DAP3: variants seen among roughly 807,000 people sequenced by gnomAD.
DAP3 encodes the protein small ribosomal subunit protein mS29.
A neutral mutation model predicts 51.9 loss-of-function variants in DAP3; 28 were observed. The observed-to-expected ratio is 0.54, with a 90% CI of 0.40 to 0.74. The LOEUF is 0.74. Among genes scored for constraint, DAP3 ranks in the 30% least tolerant of loss-of-function variants. The pLI is 0.00. For synonymous variants in DAP3, 170 were observed against 170.3 expected (o/e 1.00, Z 0.01); for missense variants, 458 against 483.5 (o/e 0.95, Z 0.49).
chr1:155,728,260 G>A (rs1431225594), intron 7 of DAP3, among the ~76,000 whole-genome samples: 1 of 152,064 alleles, frequency 6.6e-6, no homozygotes, highest in Non-Finnish European at 1.5e-5. Flanking sequence ...AGCAGAAATG[G>A]ATTAGAAAGC....
At chr1:155,726,245 C>T (rs1571542742) in intron 6 of DAP3, 1 of 313,456 alleles carries the variant, frequency 3.2e-6, no homozygotes. Context: ...TCCCAAGTAG[C>T]TGGGATTACA....
At chr1:155,734,212 T>C (rs1372946607) in intron 11 of DAP3, among the ~76,000 whole-genome samples, 1 of 152,090 alleles carries the variant, frequency 6.6e-6, no homozygotes, top group Non-Finnish European at 1.5e-5. Context: ...AATGTCCCCA[T>C]CATTATTTTT....
At chr1:155,706,072 G>A (rs141021132) in intron 1 of DAP3, among the ~76,000 whole-genome samples, 1 of 152,106 alleles carries the variant, frequency 6.6e-6, no homozygotes, top group East Asian at 1.9e-4. Context: ...ACAGTGGCAT[G>A]ATCATAGCTC....
intron 3 of DAP3, among the ~76,000 whole-genome samples, chr1:155,720,474 C>T (rs1188342398): frequency 1.3e-5 from 2 of 150,946 alleles, no homozygotes; most frequent in Non-Finnish European, 2.9e-5. Flanking sequence ...CATGGAGAAA[C>T]CCTGTCTCTA....
intron 1 of DAP3, among the ~76,000 whole-genome samples, chr1:155,700,707 C>A (rs1269230048): frequency 6.9e-6 from 1 of 145,388 alleles, no homozygotes; most frequent in Non-Finnish European, 1.5e-5. Flanking sequence ...GGGGTCAGCC[C>A]CCCAACCCGG....
At chr1:155,700,584 G>A (rs1203681593) in intron 1 of DAP3, among the ~76,000 whole-genome samples, 4 of 138,944 alleles carry the variant, frequency 2.9e-5, no homozygotes, top group Admixed American at 1.4e-4. Context: ...TCAGCCCCCC[G>A]CCCGGCCAGC....
chr1:155,700,678 C>T (rs71517796), intron 1 of DAP3, among the ~76,000 whole-genome samples: 7 of 132,934 alleles, frequency 5.3e-5, no homozygotes, highest in African/African-American at 8.5e-5. Context: ...CCAGCCACCC[C>T]GTCCGGGAGG....
At chr1:155,721,680 G>A (rs751549728) in intron 4 of DAP3, 62 bp downstream of exon 4, 1 of 1,517,288 alleles carries the variant, frequency 6.6e-7, no homozygotes, top group South Asian at 1.1e-5. Context: ...CTAGCAAAGG[G>A]GTGGGGCTAA....
In DAP3 at chr1:155,738,859, C is replaced by T. The variant is rs1660045465; in HGVS notation, c.*617C>T. 6.6e-6 allele frequency: 1 copy of T among 152,046 alleles called. No homozygotes were observed. Among genetic ancestry groups the T allele is most frequent in the Non-Finnish European group, 1.5e-5 (1 of 68,034 alleles). The allele number at this position is 152,046 out of a possible 1,614,324, so 9.4% of individuals were successfully genotyped here. A position where few individuals can be genotyped will look rare whatever the true frequency, so the allele number is the denominator to read the frequency against. ...CGGTGGCATGCGCCTGTAATCCAAGCTACTTGGGAGGCTGAGGCAGGAGAA... is the reference window on the plus strand; with the variant it reads ...CGGTGGCATGCGCCTGTAATCCAAGTTACTTGGGAGGCTGAGGCAGGAGAA... On this transcript the variant is annotated 3_prime_UTR_variant, in exon 13 of 13. Coordinates refer to ENST00000368336, the MANE Select transcript of DAP3 (RefSeq NM_004632.4).
chr1:155,729,008 T>C (rs1474610286), intron 7 of DAP3, 34 bp from the exon 8 acceptor site: 2 of 1,608,856 alleles, frequency 1.2e-6, no homozygotes, highest in Non-Finnish European at 1.7e-6. Context: ...AAGTAGCCTT[T>C]TTTTTGGTTT....
chr1:155,725,237 G>GT lies in DAP3; in HGVS notation c.271-144dup, dbSNP rs981891785. The stretch of plus-strand genomic sequence containing the variant: ...TTATATGGATAGATTTTCAAACTCA[G>GT]TACCAACCCAGCTTCTCCTAACTGA... On this transcript the variant is annotated intron_variant, in intron 4 of 12. Coordinates refer to ENST00000368336, the MANE Select transcript of DAP3 (RefSeq NM_004632.4). 6.2e-6 allele frequency: 4 copies of GT among 648,086 alleles called. No homozygotes were observed. The African/African-American group carries it at 7.3e-5, about 12-fold the overall frequency. 40.1% of individuals were successfully genotyped at this position (648,086 alleles called of 1,614,324 possible). A position where few individuals can be genotyped will look rare whatever the true frequency, so the allele number is the denominator to read the frequency against.
chr1:155,718,023 CTG>C (rs1657526140), intron 3 of DAP3, among the ~76,000 whole-genome samples: 1 of 152,152 alleles, frequency 6.6e-6, no homozygotes, highest in South Asian at 2.1e-4. Context: ...TTAATATAGT[CTG>C]TGTGGAAAGA....
At chr1:155,709,733 T>G in intron 1 of DAP3, 40 bp from the exon 2 acceptor site, 1 of 1,582,178 alleles carries the variant, frequency 6.3e-7, no homozygotes, top group Non-Finnish European at 8.6e-7. Flanking sequence ...TCTTTTCCCA[T>G]TTGTGGTTTA....
At chr1:155,695,115 G>C (rs1289820700) in intron 1 of DAP3, among the ~76,000 whole-genome samples, 2 of 152,178 alleles carry the variant, frequency 1.3e-5, no homozygotes, top group African/African-American at 2.4e-5. Context: ...ACAGTAGCCT[G>C]GTCTGTTGTC....
intron 1 of DAP3, among the ~76,000 whole-genome samples, chr1:155,706,041 G>T (rs781440525): frequency 2.6e-5 from 4 of 151,942 alleles, no homozygotes; most frequent in Non-Finnish European, 4.4e-5. Flanking sequence ...CCAGATCTGA[G>T]TGTATCATGC....
intron 2 of DAP3, among the ~76,000 whole-genome samples, chr1:155,714,390 A>G (rs1191010658): frequency 6.6e-6 from 1 of 152,190 alleles, no homozygotes; most frequent in Non-Finnish European, 1.5e-5. Context: ...GATTAGTCGA[A>G]GGTTAAACCT....
intron 1 of DAP3, among the ~76,000 whole-genome samples, chr1:155,698,908 C>T (rs1386036814): frequency 5.9e-5 from 9 of 152,300 alleles, no homozygotes; most frequent in East Asian, 3.9e-4. Context: ...CTTTGTCTGT[C>T]GGTCCTCCAT....
chr1:155,721,564 C>G lies in DAP3; in HGVS notation c.216C>G (p.Pro72=), dbSNP rs750166849. ...AGGGTCAGCACTACAACATCTCCCC[C>G]CAGGATTTGGAGACTGTATTTCCCC... ...QHEGQHYNIS[P]QDLETVFPHG... is the part of the protein sequence containing the mutation. The change falls in exon 4 of 13, where the codon CCC becomes CCG. Residue 72 remains proline, a synonymous_variant. Transcript: ENST00000368336. The G allele has an allele frequency of 6.2e-6, 10 of 1,613,928 alleles. No individual in the cohort carries two copies. The highest frequency in any genetic ancestry group is 7.6e-6 in the Non-Finnish European group (9 of 1,180,040).
chr1:155,689,319 C>T (rs1479960639), intron 1 of DAP3, 145 bp downstream of exon 1: 4 of 601,446 alleles, frequency 6.7e-6, no homozygotes, highest in Non-Finnish European at 1.2e-5. Context: ...AACCTGGGAC[C>T]CGAGGAAGTT....
Sources: allele counts gnomAD v4.1 joint callset (sites outside exome capture counted in the v4.1 genomes callset), GRCh38; gene constraint gnomAD v4.1.1; transcripts MANE v1.5; gene names NCBI Gene and HGNC (gene_info 2026-07-23, HGNC 2026-07-21).